The following ZMYND8 variants were observed in gnomAD, a reference collection of about 807,000 sequenced individuals.
ZMYND8 encodes the protein zinc finger MYND-type containing 8.
ZMYND8 carries 37 observed loss-of-function variants against 140.8 expected under a neutral mutation model. The ratio of observed to expected loss-of-function variants is 0.26; its 90% CI spans 0.20 to 0.35. The LOEUF is 0.35. Ranked by LOEUF, ZMYND8 falls within the 10% of genes least tolerant of loss-of-function variation. ZMYND8 has a pLI of 1.00. For missense variants in ZMYND8, 1,068 were observed against 1,570.0 expected (o/e 0.68, Z 5.40); for synonymous variants, 592 against 597.1 (o/e 0.99, Z 0.12).
chr20:47,284,511 A>ATC (rs2076804650), intron 8 of ZMYND8, among the ~76,000 whole-genome samples: 2 of 152,172 alleles, frequency 1.3e-5, no homozygotes, highest in Admixed American at 6.5e-5. Flanking sequence ...AATGAAGTCT[A>ATC]ATGACCTGAC....
chr20:47,233,508 C>T (rs905111404), intron 16 of ZMYND8, among the ~76,000 whole-genome samples: 2 of 152,194 alleles, frequency 1.3e-5, no homozygotes, highest in Non-Finnish European at 2.9e-5. Context: ...AACAGCCACA[C>T]TGAATCCTAA....
chr20:47,274,338 A>G (rs1355137840), intron 11 of ZMYND8, among the ~76,000 whole-genome samples: 1 of 152,256 alleles, frequency 6.6e-6, no homozygotes, highest in African/African-American at 2.4e-5. Flanking sequence ...CTTAGGACAA[A>G]GCTGCATTAC....
chr20:47,216,495 CAAAAAA>C (rs10536216), intron 21 of ZMYND8, among the ~76,000 whole-genome samples: 7 of 59,458 alleles, frequency 1.2e-4, no homozygotes, highest in Admixed American at 6.6e-4. Context: ...GACTCTGTCT[CAAAAAA>C]AAAAAAAAAA....
At chr20:47,263,486 T>C (rs922523327) in intron 11 of ZMYND8, among the ~76,000 whole-genome samples, 1 of 152,228 alleles carries the variant, frequency 6.6e-6, no homozygotes, top group African/African-American at 2.4e-5. Flanking sequence ...AAGGCTTCAG[T>C]GTGTTGAAAC....
intron 8 of ZMYND8, among the ~76,000 whole-genome samples, chr20:47,284,364 CTAGAGG>C (rs1375422750): frequency 6.6e-6 from 1 of 152,204 alleles, no homozygotes; most frequent in Non-Finnish European, 1.5e-5. Context: ...ATAGCAATGT[CTAGAGG>C]CATTTTTGAT....
intron 12 of ZMYND8, among the ~76,000 whole-genome samples, chr20:47,250,948 G>C (rs2074118856): frequency 6.6e-6 from 1 of 152,116 alleles, no homozygotes; most frequent in Admixed American, 6.5e-5. Context: ...AGAATGGCTT[G>C]AGCCAGGAGT....
chr20:47,219,127 G>A (rs960187072), intron 21 of ZMYND8, among the ~76,000 whole-genome samples: 45 of 145,214 alleles, frequency 3.1e-4, no homozygotes, highest in Middle Eastern at 7.2e-3. Context: ...GCACGATCTC[G>A]ACTCACTGCA....
intron 8 of ZMYND8, among the ~76,000 whole-genome samples, chr20:47,284,338 C>G (rs189856864): frequency 1.3e-5 from 2 of 152,188 alleles, no homozygotes; most frequent in Admixed American, 6.5e-5. Flanking sequence ...CCATTCCCCC[C>G]ACCCACAGGG....
chr20:47,299,733 G>A (rs1322182764), intron 3 of ZMYND8, among the ~76,000 whole-genome samples: 1 of 152,074 alleles, frequency 6.6e-6, no homozygotes, highest in African/African-American at 2.4e-5. Context: ...ACAGGCGTGT[G>A]CCACCATGCC....
chr20:47,246,654 G>A, intron 13 of ZMYND8, 137 bp from the exon 14 acceptor site: 2 of 1,266,912 alleles, frequency 1.6e-6, no homozygotes, highest in Non-Finnish European at 2.1e-6. Context: ...GCCTAAATGG[G>A]GCCAGTAATA....
chr20:47,244,272 T>A (rs1428732734), intron 14 of ZMYND8, among the ~76,000 whole-genome samples: 1 of 152,234 alleles, frequency 6.6e-6, no homozygotes, highest in Non-Finnish European at 1.5e-5. Flanking sequence ...AACCTGGCTA[T>A]CCCTTAAGTC....
At chr20:47,266,608 C>T (rs2075546366) in intron 11 of ZMYND8, among the ~76,000 whole-genome samples, 1 of 152,076 alleles carries the variant, frequency 6.6e-6, no homozygotes, top group South Asian at 2.1e-4. Flanking sequence ...CCTTTGCTCT[C>T]ATGCCTGAAT....
chr20:47,249,259 G>GA (rs147386021), intron 13 of ZMYND8, 28 bp downstream of exon 13: 19,195 of 1,172,884 alleles, frequency 0.016, no homozygotes, highest in South Asian at 0.032. Context: ...GATACTGCTG[G>GA]AAAAAAAAAA....
intron 14 of ZMYND8, among the ~76,000 whole-genome samples, chr20:47,239,895 A>T (rs1025944436): frequency 2.6e-5 from 4 of 152,222 alleles, no homozygotes; most frequent in Non-Finnish European, 5.9e-5. Flanking sequence ...GTTCAAGTCT[A>T]AAATGAGTTT....
intron 8 of ZMYND8, chr20:47,285,837 G>C: frequency 1.0e-6 from 1 of 983,386 alleles, no homozygotes; most frequent in Non-Finnish European, 1.2e-6. Context: ...CTAGGAAACA[G>C]AGAAAATACA....
intron 3 of ZMYND8, among the ~76,000 whole-genome samples, chr20:47,309,266 C>A (rs2078731077): frequency 6.6e-6 from 1 of 152,130 alleles, no homozygotes; most frequent in Non-Finnish European, 1.5e-5. Context: ...ATTACCTAAG[C>A]CTGCCCCTGG....
rs558699493 is a variant in ZMYND8 at position 47,244,456 on chromosome 20, T to TC, written c.2284+1551dup. Among the ~76,000 whole-genome samples, 52 of 152,290 alleles carry TC rather than the reference T, an allele frequency of 3.4e-4. No individual in the cohort carries two copies. In the South Asian group the frequency reaches 0.011, roughly 32 times the overall value. ...GAATACTTTGTCAGTGGGAAGGACATCCTTCCAATCATTCCCACACCCCTT... is the reference window on the plus strand; with the variant it reads ...GAATACTTTGTCAGTGGGAAGGACATCCCTTCCAATCATTCCCACACCCCTT... On this transcript the variant is annotated intron_variant, in intron 14 of 22. Coordinates refer to ENST00000471951, the MANE Select transcript of ZMYND8 (RefSeq NM_001281775.3).
chr20:47,275,251 G>A (rs2076186274), intron 11 of ZMYND8, among the ~76,000 whole-genome samples: 1 of 152,156 alleles, frequency 6.6e-6, no homozygotes, highest in Non-Finnish European at 1.5e-5. Context: ...CAGCACTTTG[G>A]GAGCCCAAGG....
At chr20:47,247,774 T>A (rs61653438) in intron 13 of ZMYND8, among the ~76,000 whole-genome samples, 3,953 of 152,292 alleles carry the variant, frequency 0.026, 159 homozygotes, top group African/African-American at 0.089. Context: ...GGGGATCAGC[T>A]GGATCATTGG....
Sources: gnomAD v4.1 joint callset for allele counts (sites outside exome capture counted in the v4.1 genomes callset) on GRCh38, gnomAD v4.1.1 for gene constraint, MANE v1.5 for transcripts, NCBI Gene and HGNC (gene_info 2026-07-23, HGNC 2026-07-21) for gene names.